DNAH5: variants seen among roughly 807,000 people sequenced by gnomAD.
The protein encoded by DNAH5 is axonemal beta dynein heavy chain 5.
Under a neutral mutation model 518.2 loss-of-function variants are expected in DNAH5, and 372 were observed. The ratio of observed to expected loss-of-function variants is 0.72; its 90% CI spans 0.66 to 0.78. The LOEUF (loss-of-function observed/expected upper bound fraction) is 0.78, where lower values mean the gene tolerates loss of function less well. Among genes scored for constraint, DNAH5 ranks in the 30% least tolerant of loss-of-function variants. The probability of loss-of-function intolerance (pLI) is 0.00; values close to 1 mark genes in which losing one functional copy is unlikely to be tolerated. For missense variants in DNAH5, 5,523 were observed against 5,687.0 expected (o/e 0.97, Z 0.93); for synonymous variants, 2,039 against 2,025.9 (o/e 1.01, Z -0.17).
rs980003586 is a variant in DNAH5, at chr5:13,707,664, G to C, written c.13338+459C>G. ...GGGATAAGGGAACTCCTCCGATTTCGACAGCATGTAGCAGAAACTTTATTT... is the reference window on the plus strand; with the variant it reads ...GGGATAAGGGAACTCCTCCGATTTCCACAGCATGTAGCAGAAACTTTATTT... On this transcript the variant is annotated intron_variant, in intron 76 of 78. Transcript: ENST00000265104. The surrounding 1 kb of genome is among the most constrained non-coding windows in gnomAD (Gnocchi z 4.0). 1.3e-5 allele frequency among the ~76,000 whole-genome samples: 2 copies of C among 151,844 alleles called. No individual in the cohort carries two copies. The highest frequency in any genetic ancestry group is 1.3e-4 in the Admixed American group (2 of 15,248).
intron 65 of DNAH5, among the ~76,000 whole-genome samples, chr5:13,748,327 G>C (rs1302579012): frequency 6.6e-6 from 1 of 152,140 alleles, no homozygotes; most frequent in Non-Finnish European, 1.5e-5. Context: ...CTCCAGCTTT[G>C]TTCTTTTGGC....
At chr5:13,754,435 C>G (rs1443528463) in intron 61 of DNAH5, 97 bp from the exon 62 acceptor site, 1 of 1,379,080 alleles carries the variant, frequency 7.3e-7, no homozygotes. Flanking sequence ...TATCTGCCTT[C>G]CTGAGACATG....
At chr5:13,708,475 AG>A (rs1743083868) in intron 75 of DNAH5, 140 bp from the exon 76 acceptor site, 3 of 769,546 alleles carry the variant, frequency 3.9e-6, no homozygotes, top group Admixed American at 2.9e-5. Flanking sequence ...CATGGCAAAA[AG>A]AAAAAAAAAA....
intron 21 of DNAH5, among the ~76,000 whole-genome samples, chr5:13,879,445 T>C (rs1218591873): frequency 6.6e-6 from 1 of 152,142 alleles, no homozygotes; most frequent in African/African-American, 2.4e-5. Flanking sequence ...AGATGCTCTT[T>C]GACTTACTAT....
chr5:13,810,263 G>C lies in DNAH5; in HGVS notation c.7408-3C>G. On this transcript the variant is annotated splice_polypyrimidine_tract_variant and splice_region_variant and intron_variant, in intron 44 of 78. Coordinates refer to ENST00000265104, the MANE Select transcript of DNAH5 (RefSeq NM_001369.3). ...TGGCTCACCTCCCCGCCTTGCTCCT[G>C]AGAAGGAAAGACACTTTTTTTTAAT... 6.5e-7 allele frequency: 1 copy of C among 1,549,938 alleles called. No homozygotes were observed. The highest frequency in any genetic ancestry group is 8.7e-7 in the Non-Finnish European group (1 of 1,146,546).
chr5:13,739,901 T>A (rs1323943790), intron 65 of DNAH5, among the ~76,000 whole-genome samples: 1 of 152,166 alleles, frequency 6.6e-6, no homozygotes, highest in Non-Finnish European at 1.5e-5. Flanking sequence ...TGCTGATGAC[T>A]CCCAAGTTTA....
chr5:13,976,283 A>G (rs1408438077), intron 1 of DNAH5, among the ~76,000 whole-genome samples: 1 of 152,198 alleles, frequency 6.6e-6, no homozygotes, highest in Non-Finnish European at 1.5e-5. Context: ...CCTGCAGCCA[A>G]CAGTTGTCCA....
intron 3 of DNAH5, among the ~76,000 whole-genome samples, chr5:13,924,103 G>A (rs1458752128): frequency 2.6e-5 from 4 of 152,114 alleles, no homozygotes; most frequent in African/African-American, 9.7e-5. Context: ...CAGCCAATAG[G>A]TGGCAGAGCC....
intron 44 of DNAH5, 121 bp downstream of exon 44, chr5:13,811,526 T>C: frequency 1.0e-6 from 1 of 973,568 alleles, no homozygotes; most frequent in Non-Finnish European, 1.6e-6. Context: ...CCAAATCTAA[T>C]TTCAAATATA....
At chr5:13,911,104 T>G (rs1338310306) in intron 12 of DNAH5, among the ~76,000 whole-genome samples, 1 of 152,218 alleles carries the variant, frequency 6.6e-6, no homozygotes, top group Admixed American at 6.5e-5. Context: ...CGTGCCGCAA[T>G]GTTCAACAGA....
intron 60 of DNAH5, among the ~76,000 whole-genome samples, chr5:13,761,804 C>A (rs1371010304): frequency 6.6e-6 from 1 of 152,174 alleles, no homozygotes; most frequent in Non-Finnish European, 1.5e-5. Flanking sequence ...TCAAATGACT[C>A]TTTGTCCCTT....
At chr5:13,828,126 G>A (rs1763145698) in intron 38 of DNAH5, among the ~76,000 whole-genome samples, 1 of 152,186 alleles carries the variant, frequency 6.6e-6, no homozygotes, top group African/African-American at 2.4e-5. Context: ...AAGAATGTTG[G>A]GAGACAAAAT....
intron 1 of DNAH5, among the ~76,000 whole-genome samples, chr5:13,963,280 A>T (rs1781307489): frequency 6.6e-6 from 1 of 152,136 alleles, no homozygotes; most frequent in South Asian, 2.1e-4. Flanking sequence ...TACATTCCTT[A>T]AAAAATAAAT....
chr5:13,727,538 C>A lies in DNAH5; in HGVS notation c.12002G>T (p.Arg4001Ile). The part of the protein sequence containing the change: ...LDCFRRLLLI[R>I]SWCPDRTIAQ... ...GATGGTTCTGTCAGGACACCAGGATCTAATAAGGAGAAGACGTCTGAAGCA... is the reference window on the plus strand; with the variant it reads ...GATGGTTCTGTCAGGACACCAGGATATAATAAGGAGAAGACGTCTGAAGCA... The change falls in exon 70 of 79, where the codon AGA (arginine) becomes ATA (isoleucine). Residue 4001 changes from arginine (R) to isoleucine (I), a missense_variant. Around this residue, in one of 3 missense-constraint regions of DNAH5, gnomAD observed 5,121 missense variants for 5,223.3 expected, o/e 0.98. Coordinates refer to ENST00000265104, the MANE Select transcript of DNAH5 (RefSeq NM_001369.3). 4 of 1,613,672 alleles carry A rather than the reference C, an allele frequency of 2.5e-6. No homozygotes were observed. The highest frequency in any genetic ancestry group is 2.5e-6 in the Non-Finnish European group (3 of 1,179,686).
intron 50 of DNAH5, among the ~76,000 whole-genome samples, chr5:13,791,155 C>G (rs1420283009): frequency 6.6e-6 from 1 of 151,944 alleles, no homozygotes; most frequent in Non-Finnish European, 1.5e-5. Flanking sequence ...AGCATCTGGA[C>G]AGAGGTGAGT....
chr5:13,793,822 A>T, intron 48 of DNAH5, 94 bp from the exon 49 acceptor site: 1 of 1,558,550 alleles, frequency 6.4e-7, no homozygotes, highest in East Asian at 2.3e-5. Context: ...CTTTACTGGA[A>T]TTCAGAAATT....
At chr5:13,784,880 C>A (rs1755736552) in intron 52 of DNAH5, among the ~76,000 whole-genome samples, 1 of 152,020 alleles carries the variant, frequency 6.6e-6, no homozygotes, top group Admixed American at 6.6e-5. Flanking sequence ...CTTTGAGGAT[C>A]AACTGTCCTA....
At chr5:13,863,223 C>T (rs1221253007) in intron 28 of DNAH5, among the ~76,000 whole-genome samples, 2 of 152,082 alleles carry the variant, frequency 1.3e-5, no homozygotes, top group African/African-American at 4.8e-5. Flanking sequence ...TTAGTCAAGC[C>T]CTTCCTTTAC....
intron 65 of DNAH5, among the ~76,000 whole-genome samples, chr5:13,743,332 A>G (rs1205188572): frequency 6.6e-6 from 1 of 152,066 alleles, no homozygotes; most frequent in Non-Finnish European, 1.5e-5. Context: ...AGTAAGAAAT[A>G]GATCAAAGAT....
Sources: allele counts gnomAD v4.1 joint callset (sites outside exome capture counted in the v4.1 genomes callset), GRCh38; gene constraint gnomAD v4.1.1; regional missense constraint gnomAD v4.1.1; non-coding constraint Gnocchi (gnomAD v3.1); transcripts MANE v1.5; gene names NCBI Gene and HGNC (gene_info 2026-07-23, HGNC 2026-07-21).